SHANK2: variants seen among roughly 807,000 people sequenced by gnomAD.
The protein encoded by SHANK2 is SH3 and multiple ankyrin repeat domains 2.
Under a neutral mutation model 133.7 loss-of-function variants are expected in SHANK2, and 43 were observed. The observed-to-expected ratio is 0.32, with a 90% CI of 0.25 to 0.41. The LOEUF (loss-of-function observed/expected upper bound fraction) is 0.41. Among genes scored for constraint, SHANK2 ranks in the 10% least tolerant of loss-of-function variants. The pLI, the probability that SHANK2 is intolerant of heterozygous loss-of-function variation, is 1.00. For missense variants in SHANK2, 1,994 were observed against 2,235.8 expected (o/e 0.89, Z 2.18); for synonymous variants, 1,017 against 952.8 (o/e 1.07, Z -1.24).
intron 2 of SHANK2, among the ~76,000 whole-genome samples, chr11:71,171,266 G>A (rs1484244310): frequency 2.6e-5 from 4 of 152,198 alleles, no homozygotes; most frequent in Admixed American, 2.0e-4. Context: ...GACCTGCGAC[G>A]GGCTGTCTGC....
intron 1 of SHANK2, among the ~76,000 whole-genome samples, chr11:71,242,485 T>C (rs2919722): frequency 0.6 from 91,751 of 152,118 alleles, 30,677 homozygotes; most frequent in East Asian, 0.9. Flanking sequence ...CCGCTTCCTT[T>C]ACCTCCTTTA....
At chr11:70,522,707 G>T (rs1178285003) in intron 17 of SHANK2, among the ~76,000 whole-genome samples, 2 of 152,078 alleles carry the variant, frequency 1.3e-5, no homozygotes, top group African/African-American at 2.4e-5. Context: ...GGCTGTCCTT[G>T]GCATCCATTC....
At chr11:70,658,853 C>T (rs1255648278) in intron 17 of SHANK2, among the ~76,000 whole-genome samples, 1 of 152,224 alleles carries the variant, frequency 6.6e-6, no homozygotes, top group Non-Finnish European at 1.5e-5. Context: ...TGGCTGGATG[C>T]CACGTACCCA....
chr11:70,619,681 C>T (rs2060803648), intron 17 of SHANK2, among the ~76,000 whole-genome samples: 1 of 152,094 alleles, frequency 6.6e-6, no homozygotes, highest in African/African-American at 2.4e-5. Flanking sequence ...AGAGGCTGCC[C>T]AGGGACCCTT....
At chr11:70,488,684 A>C (rs1555154991) in intron 24 of SHANK2, among the ~76,000 whole-genome samples, 1 of 152,242 alleles carries the variant, frequency 6.6e-6, no homozygotes, top group Non-Finnish European at 1.5e-5. Context: ...GGCAGCCCTG[A>C]AAGTGGTCCT....
At chr11:71,135,662 G>A (rs1375777905) in intron 3 of SHANK2, among the ~76,000 whole-genome samples, 4 of 152,002 alleles carry the variant, frequency 2.6e-5, no homozygotes, top group Non-Finnish European at 1.5e-5. Flanking sequence ...CACCATGTTG[G>A]CCAGGCTGGT....
intron 17 of SHANK2, among the ~76,000 whole-genome samples, chr11:70,566,202 C>T (rs1417991314): frequency 2.6e-5 from 4 of 152,150 alleles, no homozygotes; most frequent in African/African-American, 9.7e-5. Context: ...GTCCCTCCCA[C>T]AACACATGGG....
At chr11:71,231,525 A>C (rs1954741372) in intron 1 of SHANK2, among the ~76,000 whole-genome samples, 1 of 152,116 alleles carries the variant, frequency 6.6e-6, no homozygotes, top group Admixed American at 6.5e-5. Context: ...TTCCTTAAAA[A>C]CCTAAATATG....
intron 13 of SHANK2, among the ~76,000 whole-genome samples, chr11:70,805,479 C>T (rs1454704492): frequency 1.3e-5 from 2 of 152,208 alleles, no homozygotes; most frequent in African/African-American, 4.8e-5. Flanking sequence ...CACAGATGGC[C>T]CCTCTTGCTC....
chr11:70,489,258 A>C lies in SHANK2; in HGVS notation c.2572+70T>G, dbSNP rs75280911. ...TTCTGTTCCCAAGGAGTACTAATTTAAGAATACACCTTATAAAGTAAACTG... is the reference window on the plus strand; with the variant it reads ...TTCTGTTCCCAAGGAGTACTAATTTCAGAATACACCTTATAAAGTAAACTG... On this transcript the variant is annotated intron_variant, in intron 24 of 25. Transcript: ENST00000601538. The C allele has an allele frequency of 8.7e-5, 128 of 1,472,716 alleles. No homozygotes were observed. In the African/African-American group the frequency reaches 1.7e-3, roughly 20 times the overall value. 91.2% of individuals were successfully genotyped at this position (1,472,716 alleles called of 1,614,324 possible). A position where few individuals can be genotyped will look rare whatever the true frequency, so the allele number is the denominator to read the frequency against.
chr11:71,231,246 TAAA>T (rs1555122915), intron 1 of SHANK2, among the ~76,000 whole-genome samples: 1 of 152,046 alleles, frequency 6.6e-6, no homozygotes, highest in African/African-American at 2.4e-5. Context: ...ACAATCCACT[TAAA>T]AGAGCAAAAG....
chr11:70,925,138 A>T (rs1353515538), intron 10 of SHANK2, among the ~76,000 whole-genome samples: 4 of 152,208 alleles, frequency 2.6e-5, no homozygotes, highest in African/African-American at 9.6e-5. Context: ...GCCACTATTT[A>T]TATCTGCATG....
intron 17 of SHANK2, among the ~76,000 whole-genome samples, chr11:70,629,835 C>T (rs554477463): frequency 3.0e-4 from 45 of 152,172 alleles, no homozygotes; most frequent in Non-Finnish European, 5.0e-4. Context: ...GCCATCCAGA[C>T]CCCCAGCAGA....
chr11:70,639,601 GTTTTTC>G (rs1180996328), intron 17 of SHANK2, among the ~76,000 whole-genome samples: 6 of 152,122 alleles, frequency 3.9e-5, no homozygotes, highest in Non-Finnish European at 7.4e-5. Flanking sequence ...AGAGGGCCTG[GTTTTTC>G]TTTTTCTTTT....
intron 3 of SHANK2, 94 bp from the exon 4 acceptor site, chr11:71,119,126 C>T (rs2135268098): frequency 2.9e-6 from 3 of 1,043,224 alleles, no homozygotes; most frequent in Non-Finnish European, 4.2e-6. Flanking sequence ...AAGCTGCTTC[C>T]ACCCCTTCCC....
At chr11:70,788,845 G>T (rs1469933376) in intron 14 of SHANK2, among the ~76,000 whole-genome samples, 1 of 152,178 alleles carries the variant, frequency 6.6e-6, no homozygotes, top group East Asian at 1.9e-4. Context: ...TCAGATGATA[G>T]AGGAGCAACG....
At chr11:70,599,905 GAGAA>G (rs201394941) in intron 17 of SHANK2, among the ~76,000 whole-genome samples, 4,688 of 73,222 alleles carry the variant, frequency 0.064, 220 homozygotes, top group Non-Finnish European at 0.077. Flanking sequence ...AAGAAAGAAA[GAGAA>G]AGAAAGAAAG....
intron 10 of SHANK2, among the ~76,000 whole-genome samples, chr11:70,954,079 C>T (rs1262633225): frequency 1.3e-5 from 2 of 152,222 alleles, no homozygotes; most frequent in African/African-American, 4.8e-5. Flanking sequence ...ATCCTGGGAC[C>T]CTGCCCATGG....
chr11:70,910,908 G>A (rs1565400608), intron 10 of SHANK2: 7 of 449,350 alleles, frequency 1.6e-5, no homozygotes, highest in Non-Finnish European at 4.5e-6. Flanking sequence ...GCGTGTGTGT[G>A]TGTGTGCGCG....
Sources: gnomAD v4.1 joint callset for allele counts (sites outside exome capture counted in the v4.1 genomes callset) on GRCh38, gnomAD v4.1.1 for gene constraint, MANE v1.5 for transcripts, NCBI Gene and HGNC (gene_info 2026-07-23, HGNC 2026-07-21) for gene names.